The following LRGUK variants were observed in gnomAD, a reference collection of about 807,000 sequenced individuals.
LRGUK encodes leucine-rich repeat and guanylate kinase domain-containing protein.
A neutral mutation model predicts 76.0 loss-of-function variants in LRGUK; 65 were observed. The ratio of observed to expected loss-of-function variants is 0.85; its 90% CI spans 0.70 to 1.05. LRGUK has a LOEUF of 1.05. Among genes scored for constraint, LRGUK ranks in the 50% least tolerant of loss-of-function variants. The probability of loss-of-function intolerance (pLI) is 0.00; values close to 1 mark genes in which losing one functional copy is unlikely to be tolerated. For missense variants in LRGUK, 758 were observed against 732.8 expected (o/e 1.03, Z -0.40); for synonymous variants, 268 against 265.6 (o/e 1.01, Z -0.09).
At chr7:134,180,987 AC>A (rs1382298836) in intron 10 of LRGUK, among the ~76,000 whole-genome samples, 1 of 152,102 alleles carries the variant, frequency 6.6e-6, no homozygotes, top group African/African-American at 2.4e-5. Context: ...AGTGTCAACC[AC>A]CCCTTTTAGA....
intron 7 of LRGUK, among the ~76,000 whole-genome samples, chr7:134,168,369 T>A (rs75228016): frequency 1.3e-5 from 2 of 152,104 alleles, no homozygotes; most frequent in Non-Finnish European, 2.9e-5. Flanking sequence ...CCATCTCTTA[T>A]AAAAAAACAA....
At position 134,195,110 on chromosome 7, in the gene LRGUK, G is replaced by T. The variant is rs892114170; in HGVS notation, c.1432-1882G>T. ...GTACTGAATCAGTTCCTGGGTAGGG[G>T]CCACAAGATCAGATGAGCCAGTTTA... On this transcript the variant is annotated intron_variant, in intron 12 of 15. Transcript: ENST00000645682. Among the ~76,000 whole-genome samples the T allele has an allele frequency of 2.0e-5, 3 of 152,036 alleles. No individual in the cohort carries two copies. In the South Asian group the frequency reaches 6.2e-4, roughly 32 times the overall value.
chr7:134,221,680 C>T (rs1423831937), intron 15 of LRGUK, 99 bp from the exon 16 acceptor site: 3 of 866,392 alleles, frequency 3.5e-6, no homozygotes, highest in Non-Finnish European at 4.8e-6. Context: ...AAGTATCCAG[C>T]TTGTTATGTT....
At chr7:134,190,460 G>A (rs1218648204) in intron 11 of LRGUK, among the ~76,000 whole-genome samples, 1 of 152,156 alleles carries the variant, frequency 6.6e-6, no homozygotes, top group African/African-American at 2.4e-5. Context: ...CTCCTGCCTT[G>A]GCCTCCCAAA....
chr7:134,266,209 ACTGT>A (rs1161248434), downstream of LRGUK, among the ~76,000 whole-genome samples: 3 of 152,182 alleles, frequency 2.0e-5, no homozygotes, highest in Non-Finnish European at 4.4e-5. Context: ...CACTATCCAA[ACTGT>A]CTAAGATATA....
chr7:134,154,305 C>A (rs188580086), intron 5 of LRGUK, among the ~76,000 whole-genome samples: 8 of 152,078 alleles, frequency 5.3e-5, no homozygotes, highest in Non-Finnish European at 1.0e-4. Context: ...CAGGAAGTCC[C>A]GAGACCTGTG....
chr7:134,209,640 C>T (rs1801160787), exon 16 of LRGUK: 1 of 399,140 alleles, frequency 2.5e-6, no homozygotes, highest in African/African-American at 2.1e-5. Context: ...GCTTTAGGAA[C>T]AACCTCCCAT....
At position 134,142,987 on chromosome 7, in the gene LRGUK, A is replaced by G. The variant is rs958684359; in HGVS notation, c.488-75A>G. 6.4e-6 allele frequency: 5 copies of G among 781,948 alleles called. No homozygotes were observed. The African/African-American group carries it at 6.9e-5, about 11-fold the overall frequency. 48.4% of individuals were successfully genotyped at this position (781,948 alleles called of 1,614,324 possible). A position where few individuals can be genotyped will look rare whatever the true frequency, so the allele number is the denominator to read the frequency against. ...TATAATTTTAAAATATTCTGATGTC[A>G]TGTACACTGTTTTTAATGCCTTTGT... On this transcript the variant is annotated intron_variant, in intron 3 of 15. Transcript: ENST00000645682.
chr7:134,263,461 A>G (rs1585613810), intron 19 of LRGUK, among the ~76,000 whole-genome samples: 1 of 126,158 alleles, frequency 7.9e-6, no homozygotes, highest in East Asian at 2.0e-4. Flanking sequence ...TGTGTGGAGC[A>G]TTGTTACAGA....
chr7:134,203,474 GT>G lies in LRGUK; in HGVS notation c.1843+1902del, dbSNP rs150067682. The stretch of plus-strand genomic sequence containing the variant: ...TTTTGCCAGACTTCAAACCAATGCT[GT>G]TTTGTAATTTTGCACACTTTTCCCA... On this transcript the variant is annotated intron_variant, in intron 15 of 15. Coordinates refer to ENST00000645682, the Ensembl canonical transcript of LRGUK. Among the ~76,000 whole-genome samples, 817 of 152,278 alleles carry G rather than the reference GT, an allele frequency of 5.4e-3. 9 individuals are homozygous for G. Among genetic ancestry groups the G allele is most frequent in the African/African-American group, 0.019 (790 of 41,546 alleles).
chr7:134,237,291 G>A (rs560804942), intron 16 of LRGUK, among the ~76,000 whole-genome samples: 3 of 151,990 alleles, frequency 2.0e-5, no homozygotes, highest in African/African-American at 4.8e-5. Context: ...TTGACCTTGC[G>A]ACGCGCCTGC....
At chr7:134,144,932 G>A (rs1031365205) in intron 4 of LRGUK, among the ~76,000 whole-genome samples, 7 of 152,048 alleles carry the variant, frequency 4.6e-5, no homozygotes, top group Non-Finnish European at 8.8e-5. Flanking sequence ...TGTTCCATTC[G>A]CCTTGTCTGA....
At chr7:134,176,575 T>G (rs1799489651) in intron 8 of LRGUK, among the ~76,000 whole-genome samples, 1 of 151,966 alleles carries the variant, frequency 6.6e-6, no homozygotes, top group African/African-American at 2.4e-5. Flanking sequence ...AGAGACAAGG[T>G]TTCACCATGT....
chr7:134,199,982 T>TTATA (rs71172442), intron 14 of LRGUK, among the ~76,000 whole-genome samples: 578 of 38,354 alleles, frequency 0.015, 12 homozygotes, highest in Non-Finnish European at 0.018. Context: ...CTAGAAACTT[T>TTATA]TATATATATA....
chr7:134,129,935 T>G (rs1797227435), intron 1 of LRGUK, among the ~76,000 whole-genome samples: 1 of 152,166 alleles, frequency 6.6e-6, no homozygotes, highest in Non-Finnish European at 1.5e-5. Flanking sequence ...TCTTATTTCT[T>G]CTTATTCTCC....
downstream of LRGUK, among the ~76,000 whole-genome samples, chr7:134,265,631 C>T (rs532174650): frequency 2.6e-5 from 4 of 152,256 alleles, no homozygotes; most frequent in Middle Eastern, 3.4e-3. Flanking sequence ...TGCTCCCTAC[C>T]CTGTCAGCAA....
chr7:134,154,196 A>G (rs1250321215), intron 5 of LRGUK, among the ~76,000 whole-genome samples: 1 of 152,208 alleles, frequency 6.6e-6, no homozygotes, highest in East Asian at 1.9e-4. Context: ...CTTTCTCCTG[A>G]TACTGGTCTT....
intron 14 of LRGUK, among the ~76,000 whole-genome samples, 183 bp from the exon 15 acceptor site, chr7:134,201,298 C>G (rs1257201938): frequency 1.3e-5 from 2 of 152,062 alleles, no homozygotes; most frequent in East Asian, 3.9e-4. Context: ...CAGGTTCTGC[C>G]CACACTTAAG....
chr7:134,273,348 G>A, the LRGUK span, among the ~76,000 whole-genome samples: 2 of 152,158 alleles, frequency 1.3e-5, no homozygotes, highest in Non-Finnish European at 2.9e-5. Flanking sequence ...ATTCAAATGA[G>A]ATTTCTATGG....
Sources: gnomAD v4.1 joint callset for allele counts (sites outside exome capture counted in the v4.1 genomes callset) on GRCh38, gnomAD v4.1.1 for gene constraint, MANE v1.5 for transcripts, NCBI Gene and HGNC (gene_info 2026-07-23, HGNC 2026-07-21) for gene names.